The following NEURL1 variants were observed in gnomAD, a reference collection of about 807,000 sequenced individuals.
The protein encoded by NEURL1 is neuralized E3 ubiquitin protein ligase 1, also known as E3 ubiquitin-protein ligase NEURL1.
NEURL1 carries 26 observed loss-of-function variants against 41.2 expected under a neutral mutation model. The observed-to-expected ratio is 0.63, with a 90% confidence interval of 0.46 to 0.87. The LOEUF is 0.87. Among genes scored for constraint, NEURL1 ranks in the 40% least tolerant of loss-of-function variants. NEURL1 has a pLI of 0.00. For missense variants in NEURL1, 761 were observed against 871.1 expected (o/e 0.87, Z 1.59); for synonymous variants, 400 against 402.3 (o/e 0.99, Z 0.07).
In NEURL1 at chr10:103,537,912, C is replaced by A. The variant is rs186229464; in HGVS notation, c.86-32960C>A. 1.4e-4 allele frequency among the ~76,000 whole-genome samples: 22 copies of A among 152,158 alleles called. No individual in the cohort carries two copies. In the East Asian group the frequency reaches 3.1e-3, roughly 21 times the overall value. On this transcript the variant is annotated intron_variant, in intron 1 of 5. Transcript: ENST00000369780. ...TCCTACTCCTCCCTGCTGCACCCCC[C>A]GCCTCTGCCATAATCAAGTAACCGC...
At chr10:103,573,412 C>T (rs546326765) in intron 3 of NEURL1, among the ~76,000 whole-genome samples, 70 of 152,156 alleles carry the variant, frequency 4.6e-4, no homozygotes, top group Middle Eastern at 6.8e-3. Context: ...TCATCTGTAA[C>T]GTGGGGCTAA....
chr10:103,504,039 G>A (rs1436578609), intron 1 of NEURL1, among the ~76,000 whole-genome samples: 2 of 151,400 alleles, frequency 1.3e-5, no homozygotes, highest in African/African-American at 4.9e-5. Context: ...TGTCGCCCAG[G>A]CTGGAGTGCA....
At chr10:103,549,828 T>G (rs775803835) in intron 1 of NEURL1, among the ~76,000 whole-genome samples, 4 of 152,222 alleles carry the variant, frequency 2.6e-5, no homozygotes, top group Non-Finnish European at 5.9e-5. Flanking sequence ...GATTTATATG[T>G]CATATTAGGC....
intron 1 of NEURL1, among the ~76,000 whole-genome samples, chr10:103,546,197 C>T (rs1173642396): frequency 6.6e-6 from 1 of 152,140 alleles, no homozygotes; most frequent in East Asian, 1.9e-4. Context: ...TGCAGTGGCC[C>T]TGGGTCCCTC....
chr10:103,522,932 T>C (rs924143524), intron 1 of NEURL1, among the ~76,000 whole-genome samples: 1 of 152,134 alleles, frequency 6.6e-6, no homozygotes, highest in East Asian at 1.9e-4. Flanking sequence ...GTTTTTTTTT[T>C]ACTGAGGATT....
chr10:103,531,079 G>T (rs1302438396), intron 1 of NEURL1, among the ~76,000 whole-genome samples: 1 of 151,868 alleles, frequency 6.6e-6, no homozygotes, highest in South Asian at 2.1e-4. Context: ...AATTAGCCAG[G>T]TGTGGTGGTG....
intron 1 of NEURL1, among the ~76,000 whole-genome samples, chr10:103,539,983 G>A (rs1304112840): frequency 1.3e-5 from 2 of 152,248 alleles, no homozygotes; most frequent in African/African-American, 4.8e-5. Context: ...TTATGTGGAA[G>A]ATGGCGTAGA....
At chr10:103,511,002 G>T (rs12780686) in intron 1 of NEURL1, among the ~76,000 whole-genome samples, 2,758 of 152,150 alleles carry the variant, frequency 0.018, 46 homozygotes, top group Non-Finnish European at 0.026. Flanking sequence ...GGCCTTGAAT[G>T]GGGGGGCTCC....
At chr10:103,549,618 G>A (rs529988151) in intron 1 of NEURL1, among the ~76,000 whole-genome samples, 59 of 152,292 alleles carry the variant, frequency 3.9e-4, no homozygotes, top group African/African-American at 1.3e-3. Context: ...CTGATGAGGC[G>A]GCTCATCAAC....
chr10:103,584,496 C>T (rs1212134068), intron 3 of NEURL1, 40 bp from the exon 4 acceptor site: 2 of 1,282,680 alleles, frequency 1.6e-6, no homozygotes, highest in South Asian at 2.3e-5. Context: ...GGCCGCCTCC[C>T]GAGAGCCCTG....
chr10:103,499,838 C>A (rs1029626519), intron 1 of NEURL1, among the ~76,000 whole-genome samples: 1 of 152,046 alleles, frequency 6.6e-6, no homozygotes, highest in South Asian at 2.1e-4. Flanking sequence ...CAGCTGCCAT[C>A]CTAATTGGCT....
At chr10:103,575,666 G>C (rs1452359093) in intron 3 of NEURL1, among the ~76,000 whole-genome samples, 1 of 152,076 alleles carries the variant, frequency 6.6e-6, no homozygotes, top group Admixed American at 6.5e-5. Flanking sequence ...GGCCCCAGCA[G>C]GCCCTCCTCC....
chr10:103,578,402 G>C (rs866608324), intron 3 of NEURL1, among the ~76,000 whole-genome samples: 86 of 152,312 alleles, frequency 5.6e-4, no homozygotes, highest in African/African-American at 1.8e-3. Context: ...AATCGAAATT[G>C]CTCCTTGGAA....
At chr10:103,513,804 G>T (rs533971242) in intron 1 of NEURL1, among the ~76,000 whole-genome samples, 1 of 152,112 alleles carries the variant, frequency 6.6e-6, no homozygotes, top group African/African-American at 2.4e-5. Context: ...GAATCTGGCT[G>T]GAGTGGTCTG....
chr10:103,548,616 C>A (rs532330529), intron 1 of NEURL1, among the ~76,000 whole-genome samples: 17 of 152,330 alleles, frequency 1.1e-4, no homozygotes, highest in African/African-American at 3.8e-4. Context: ...AGCCACCACG[C>A]CTGGCTGTAT....
At chr10:103,523,146 C>T (rs1592194520) in intron 1 of NEURL1, among the ~76,000 whole-genome samples, 1 of 152,104 alleles carries the variant, frequency 6.6e-6, no homozygotes, top group Non-Finnish European at 1.5e-5. Flanking sequence ...TTCAAATCCA[C>T]TCTCCTAGCT....
At chr10:103,539,339 G>A (rs1044490234) in intron 1 of NEURL1, among the ~76,000 whole-genome samples, 5 of 152,046 alleles carry the variant, frequency 3.3e-5, no homozygotes, top group Non-Finnish European at 5.9e-5. Context: ...TCATTAGGTC[G>A]TTTTCTTATT....
Position 103,568,760 on chromosome 10 carries a change from C to T in NEURL1, c.86-2112C>T, listed in dbSNP as rs564914345. Among the ~76,000 whole-genome samples the T allele has an allele frequency of 3.5e-4, 54 of 152,272 alleles. 1 individual carries two copies. Among genetic ancestry groups the T allele is most frequent in the Admixed American group, 8.5e-4 (13 of 15,292 alleles). On this transcript the variant is annotated intron_variant, in intron 1 of 5. Coordinates refer to ENST00000369780, the MANE Select transcript of NEURL1 (RefSeq NM_004210.5). ...CTTGGTAATCCTGCCTCTCTCCCCA[C>T]ACCATCGCAGGCATTCACTTATCTG...
chr10:103,555,282 G>C, intron 1 of NEURL1: 8 of 1,163,902 alleles, frequency 6.9e-6, no homozygotes, highest in Non-Finnish European at 8.7e-6. Context: ...CGCCCGCGGG[G>C]GAGGAGACGG....
Sources: allele counts gnomAD v4.1 joint callset (sites outside exome capture counted in the v4.1 genomes callset), GRCh38; gene constraint gnomAD v4.1.1; transcripts MANE v1.5; gene names NCBI Gene and HGNC (gene_info 2026-07-23, HGNC 2026-07-21).